TUFT1: variants seen among roughly 807,000 people sequenced by gnomAD.
The protein encoded by TUFT1 is tuftelin.
Under a neutral mutation model 57.8 loss-of-function variants are expected in TUFT1, and 43 were observed. That is an observed-to-expected ratio of 0.74 (90% confidence interval 0.58 to 0.96). The LOEUF is 0.96. Ranked by LOEUF, TUFT1 falls within the 40% of genes least tolerant of loss-of-function variation. The pLI is 0.00. For missense variants in TUFT1, 459 were observed against 489.0 expected, an observed-to-expected ratio of 0.94 and a Z score of 0.58; for synonymous variants, 166 against 176.7, an observed-to-expected ratio of 0.94 and a Z score of 0.48.
intron 1 of TUFT1, chr1:151,561,656 T>C (rs1665898498): frequency 4.9e-6 from 6 of 1,217,498 alleles, no homozygotes; most frequent in African/African-American, 4.7e-5. Context: ...TCCTATAGTT[T>C]AGTTCAGGAA....
Position 151,563,991 on chromosome 1 carries a change from G to A in TUFT1, c.324+1G>A. 6.2e-7 allele frequency: 1 copy of A among 1,613,444 alleles called. No homozygotes were observed. Among genetic ancestry groups the A allele is most frequent in the Non-Finnish European group, 8.5e-7 (1 of 1,179,500 alleles). On this transcript the variant is annotated splice_donor_variant, in intron 4 of 12. Transcript: ENST00000368849. LOFTEE classifies it high-confidence loss of function. ...GAGTGAGGTCCAGTACATCCAGGAG[G>A]TGGGCACCCCTTACCTCTCACGCAG... is the stretch of plus-strand genomic sequence containing the variant.
At chr1:151,561,503 ACAC>A (rs1665892589) in intron 1 of TUFT1, 1 of 955,680 alleles carries the variant, frequency 1.0e-6, no homozygotes, top group African/African-American at 1.8e-5. Context: ...ACACACACAC[ACAC>A]TTCTTTGACT....
intron 4 of TUFT1, among the ~76,000 whole-genome samples, chr1:151,564,207 C>T (rs1665991010): frequency 2.0e-5 from 3 of 152,150 alleles, no homozygotes. Context: ...CCAGCACTGT[C>T]CCAGCCACCT....
chr1:151,576,920 TG>T (rs1666485676), intron 9 of TUFT1, among the ~76,000 whole-genome samples: 1 of 152,130 alleles, frequency 6.6e-6, no homozygotes, highest in South Asian at 2.1e-4. Flanking sequence ...CCACCGCGCC[TG>T]GACTACTTAT....
chr1:151,581,643 G>A lies in TUFT1; in HGVS notation c.1110-1G>A. The A allele has an allele frequency of 1.2e-6, 2 of 1,614,082 alleles. No homozygotes were observed. The stretch of plus-strand genomic sequence containing the variant: ...CTCAGTGTTTCCAACCTTCTTTTCA[G>A]TATTAGGATATCCAAGCCGCCTAGC... On this transcript the variant is annotated splice_acceptor_variant, in intron 12 of 12. Transcript: ENST00000368849. LOFTEE classifies it high-confidence loss of function.
At chr1:151,566,006 C>T in intron 5 of TUFT1, 157 bp from the exon 6 acceptor site, 9 of 328,216 alleles carry the variant, frequency 2.7e-5, no homozygotes, top group South Asian at 1.1e-4. Flanking sequence ...TCCTTTTTCT[C>T]CCTCCCTTTC....
At position 151,578,733 on chromosome 1, in the gene TUFT1, G is replaced by A; in HGVS notation, c.831G>A (p.Leu277=). ...TCTTTATCCCCAGGGCTGCTACCCT[G>A]GAAAAGGAAGTGGCCGGGTTGCGGG... is the stretch of plus-strand genomic sequence containing the variant. The part of the protein sequence containing the change: ...CQAEREKAAT[L]EKEVAGLREK... Residue 277 remains leucine (L), a synonymous_variant, in exon 10 of 13, where the codon CTG becomes CTA. Coordinates refer to ENST00000368849, the MANE Select transcript of TUFT1 (RefSeq NM_020127.3). 1 of 1,570,494 alleles carries A rather than the reference G, an allele frequency of 6.4e-7. No homozygotes were observed. Among genetic ancestry groups the A allele is most frequent in the Non-Finnish European group, 8.6e-7 (1 of 1,156,454 alleles).
intron 8 of TUFT1, 88 bp from the exon 9 acceptor site, chr1:151,574,823 C>A: frequency 8.6e-7 from 1 of 1,163,194 alleles, no homozygotes; most frequent in Non-Finnish European, 1.3e-6. Flanking sequence ...CCAGTAGGGG[C>A]TGAGTCCCAG....
intron 1 of TUFT1, among the ~76,000 whole-genome samples, chr1:151,548,450 G>C (rs1467649491): frequency 6.6e-6 from 1 of 151,968 alleles, no homozygotes; most frequent in Non-Finnish European, 1.5e-5. Context: ...CTACAGGCGT[G>C]CGCCACCACG....
At chr1:151,572,240 A>C (rs972962666) in intron 7 of TUFT1, among the ~76,000 whole-genome samples, 8 of 151,148 alleles carry the variant, frequency 5.3e-5, no homozygotes, top group African/African-American at 1.7e-4. Flanking sequence ...TTTTTTTTTA[A>C]AAAAGGAGGT....
At chr1:151,554,110 A>G (rs528860522) in intron 1 of TUFT1, among the ~76,000 whole-genome samples, 1 of 152,218 alleles carries the variant, frequency 6.6e-6, no homozygotes, top group Non-Finnish European at 1.5e-5. Context: ...GAGAACTCTT[A>G]TATACCCTTC....
chr1:151,581,495 T>G (rs1204551364), intron 12 of TUFT1, 149 bp from the exon 13 acceptor site: 1 of 698,320 alleles, frequency 1.4e-6, no homozygotes, highest in Admixed American at 2.6e-5. Context: ...TGATAATTAC[T>G]GTTTTAAAGC....
At chr1:151,554,111 T>C (rs944406634) in intron 1 of TUFT1, among the ~76,000 whole-genome samples, 14 of 152,234 alleles carry the variant, frequency 9.2e-5, no homozygotes, top group African/African-American at 3.4e-4. Flanking sequence ...AGAACTCTTA[T>C]ATACCCTTCA....
intron 1 of TUFT1, among the ~76,000 whole-genome samples, chr1:151,548,505 G>T (rs1035887199): frequency 2.6e-5 from 4 of 152,096 alleles, no homozygotes; most frequent in African/African-American, 7.2e-5. Context: ...GTTTCATCCT[G>T]TTGGCCAGGA....
chr1:151,566,951 C>T (rs1029355600), intron 6 of TUFT1, among the ~76,000 whole-genome samples: 3 of 152,138 alleles, frequency 2.0e-5, no homozygotes, highest in Admixed American at 2.0e-4. Context: ...GACAGAGTCT[C>T]ACCCTGTCAC....
intron 1 of TUFT1, among the ~76,000 whole-genome samples, chr1:151,547,775 G>A (rs115425526): frequency 1.3e-3 from 191 of 152,332 alleles, no homozygotes; most frequent in African/African-American, 4.5e-3. Context: ...GGCTTAGCAA[G>A]TGGGTGTCTC....
Position 151,581,966 on chromosome 1 carries a change from C to G in TUFT1, c.*259C>G. On this transcript the variant is annotated 3_prime_UTR_variant, in exon 13 of 13. Transcript: ENST00000368849. ...AGGAGCCAGGGCAATATCTATATTC[C>G]TACAGTGACTATTTTTCTCTGTAGA... The G allele has an allele frequency of 1.6e-6, 1 of 607,122 alleles. No homozygotes were observed. Among genetic ancestry groups the G allele is most frequent in the South Asian group, 1.8e-5 (1 of 56,580 alleles). 37.6% of individuals were successfully genotyped at this position (607,122 alleles called of 1,614,324 possible). A position where few individuals can be genotyped will look rare whatever the true frequency, so the allele number is the denominator to read the frequency against.
intron 7 of TUFT1, among the ~76,000 whole-genome samples, chr1:151,572,552 C>T (rs1381256086): frequency 6.6e-6 from 1 of 151,988 alleles, no homozygotes; most frequent in Admixed American, 6.5e-5. Context: ...AAGTTCCTGC[C>T]TATGGGGATG....
At chr1:151,569,512 AC>A in intron 6 of TUFT1, 144 bp from the exon 7 acceptor site, 2 of 660,196 alleles carry the variant, frequency 3.0e-6, no homozygotes, top group South Asian at 1.8e-5. Flanking sequence ...GCCTAAGGTA[AC>A]TCTCCCCTTG....
Sources: gnomAD v4.1 joint callset for allele counts (sites outside exome capture counted in the v4.1 genomes callset) on GRCh38, gnomAD v4.1.1 for gene constraint, MANE v1.5 for transcripts, NCBI Gene and HGNC (gene_info 2026-07-23, HGNC 2026-07-21) for gene names.